XPA: variants seen among roughly 807,000 people sequenced by gnomAD.
XPA encodes XPA, DNA damage recognition and repair factor.
A neutral mutation model predicts 35.7 loss-of-function variants in XPA; 27 were observed. The observed-to-expected ratio is 0.76, with a 90% CI of 0.56 to 1.04. The LOEUF is 1.04. Among genes scored for constraint, XPA ranks in the 50% least tolerant of loss-of-function variants. The pLI is 0.00. For synonymous variants in XPA, 133 were observed against 118.4 expected, an observed-to-expected ratio of 1.12 and a Z score of -0.80; for missense variants, 354 against 342.7, an observed-to-expected ratio of 1.03 and a Z score of -0.26.
intron 5 of XPA, among the ~76,000 whole-genome samples, chr9:97,678,558 G>A (rs926382897): frequency 6.6e-6 from 1 of 152,172 alleles, no homozygotes; most frequent in Non-Finnish European, 1.5e-5. Flanking sequence ...TCATACCAAT[G>A]ATAAGTAAAT....
intron 5 of XPA, among the ~76,000 whole-genome samples, chr9:97,677,573 G>C (rs557906477): frequency 6.6e-6 from 1 of 152,126 alleles, no homozygotes; most frequent in African/African-American, 2.4e-5. Flanking sequence ...ACATGAGCCT[G>C]TAGTCCCAGC....
chr9:97,654,796 TGAA>T, the XPA span: 1 of 1,182,078 alleles, frequency 8.5e-7, no homozygotes. Flanking sequence ...TATAAAGACT[TGAA>T]ATGTTTTATT....
At chr9:97,655,394 A>AG in the XPA span, among the ~76,000 whole-genome samples, 4 of 149,226 alleles carry the variant, frequency 2.7e-5, no homozygotes, top group Non-Finnish European at 4.5e-5. Context: ...ATTTCATAAA[A>AG]TTTTTTTTTT....
At chr9:97,672,192 C>T (rs983140173), downstream of XPA, 1 of 152,124 alleles carries the variant, frequency 6.6e-6, no homozygotes, top group Non-Finnish European at 1.5e-5. Context: ...GAGGAATTGT[C>T]TGACATTCCA....
intron 5 of XPA, among the ~76,000 whole-genome samples, chr9:97,684,211 G>A (rs1399025155): frequency 6.6e-6 from 1 of 152,166 alleles, no homozygotes; most frequent in Non-Finnish European, 1.5e-5. Context: ...ACAGTGCCTG[G>A]CACATAGCTG....
At chr9:97,675,898 A>G in intron 5 of XPA, 2 of 384,814 alleles carry the variant, frequency 5.2e-6, no homozygotes, top group South Asian at 2.9e-5. Context: ...GTAACACAAT[A>G]GGACACATTC....
the XPA span, chr9:97,655,804 A>C: frequency 6.5e-7 from 1 of 1,545,114 alleles, no homozygotes; most frequent in Non-Finnish European, 8.8e-7. Context: ...GTAGTCAAAA[A>C]ACTACTAATG....
At chr9:97,661,256 T>G in the XPA span, among the ~76,000 whole-genome samples, 1 of 152,214 alleles carries the variant, frequency 6.6e-6, no homozygotes. Context: ...TTCTGTGATA[T>G]AGCTTACTTA....
At chr9:97,696,876 A>G (rs1829058238) in intron 1 of XPA, among the ~76,000 whole-genome samples, 1 of 152,208 alleles carries the variant, frequency 6.6e-6, no homozygotes, top group Non-Finnish European at 1.5e-5. Flanking sequence ...AGGTGCAGCG[A>G]AGAAGGCCCG....
the XPA span, chr9:97,661,169 T>A: frequency 8.8e-4 from 1,285 of 1,460,672 alleles, 1 homozygote; most frequent in Non-Finnish European, 1.1e-3. Flanking sequence ...AATATATCTA[T>A]ATCTGTTTGA....
intron 3 of XPA, among the ~76,000 whole-genome samples, 194 bp downstream of exon 3, chr9:97,689,340 T>G (rs1828813888): frequency 1.3e-5 from 2 of 152,208 alleles, no homozygotes; most frequent in Admixed American, 1.3e-4. Flanking sequence ...TCCTATTTTA[T>G]GGGGTATATC....
chr9:97,668,533 T>A, the XPA span, among the ~76,000 whole-genome samples: 1 of 152,214 alleles, frequency 6.6e-6, no homozygotes, highest in Admixed American at 6.5e-5. Flanking sequence ...GCTGTCTCCC[T>A]GTTGTTACTG....
chr9:97,656,221 A>G, the XPA span: 110 of 747,426 alleles, frequency 1.5e-4, 3 homozygotes, highest in Middle Eastern at 2.6e-3. Context: ...ATCAAGACTT[A>G]GGCTAAGAAA....
intron 2 of XPA, among the ~76,000 whole-genome samples, chr9:97,692,723 A>T (rs754827326): frequency 6.6e-6 from 1 of 152,170 alleles, no homozygotes; most frequent in Non-Finnish European, 1.5e-5. Flanking sequence ...TACATTTACC[A>T]CTCAGAAACT....
chr9:97,687,210 T>C lies in XPA; in HGVS notation c.441A>G (p.Glu147=), dbSNP rs376040996. 5 of 1,611,316 alleles carry C rather than the reference T, an allele frequency of 3.1e-6. No homozygotes were observed. The highest frequency in any genetic ancestry group is 4.2e-6 in the Non-Finnish European group (5 of 1,179,200). Residue 147 remains glutamate (E), a synonymous_variant, in exon 4 of 6, where the codon GAA becomes GAG. Transcript: ENST00000375128. The part of the protein sequence containing the change: ...KLITKTEAKQ[E]YLLKDCDLEK... ...CTAAATCACAGTCTTTCAGAAGATA[T>C]TCTTGTTTTGCCTCTGTTTTGGTTA...
chr9:97,686,940 T>C (rs1300535956), intron 4 of XPA, among the ~76,000 whole-genome samples, 156 bp downstream of exon 4: 1 of 151,912 alleles, frequency 6.6e-6, no homozygotes, highest in Non-Finnish European at 1.5e-5. Context: ...TGAGAAAACA[T>C]GTTATTAAAT....
At chr9:97,659,650 G>T in the XPA span, among the ~76,000 whole-genome samples, 20 of 152,204 alleles carry the variant, frequency 1.3e-4, no homozygotes, top group Non-Finnish European at 8.8e-5. Flanking sequence ...CATGCTGTTA[G>T]CCACTGTGCT....
chr9:97,682,112 T>A, intron 5 of XPA: 1 of 370,942 alleles, frequency 2.7e-6, no homozygotes, highest in Non-Finnish European at 5.2e-6. Flanking sequence ...CTATTTAAAC[T>A]GTAAAATTCT....
At chr9:97,697,088 G>A (rs1005003537) in intron 1 of XPA, 33 bp downstream of exon 1, 4 of 1,513,404 alleles carry the variant, frequency 2.6e-6, no homozygotes, top group Non-Finnish European at 3.5e-6. Context: ...GAGGCGGGGA[G>A]AGGGAAGGGG....
Sources: allele counts gnomAD v4.1 joint callset (sites outside exome capture counted in the v4.1 genomes callset), GRCh38; gene constraint gnomAD v4.1.1; transcripts MANE v1.5; gene names NCBI Gene and HGNC (gene_info 2026-07-23, HGNC 2026-07-21).